TYW1B: variants seen among roughly 807,000 people sequenced by gnomAD.
TYW1B encodes S-adenosyl-L-methionine-dependent tRNA 4-demethylwyosine synthase TYW1B.
In TYW1B, 73 loss-of-function variants were observed where a neutral mutation model predicts 86.9. That is an observed-to-expected ratio of 0.84 (90% CI 0.70 to 1.02). The LOEUF is 1.02. Ranked by LOEUF, TYW1B falls within the 50% of genes least tolerant of loss-of-function variation. The pLI, the probability that TYW1B is intolerant of heterozygous loss-of-function variation, is 0.00. For missense variants in TYW1B, 637 were observed against 827.4 expected (o/e 0.77, Z 2.82); for synonymous variants, 248 against 292.8 (o/e 0.85, Z 1.56).
chr7:72,779,347 G>A (rs547976648), intron 6 of TYW1B, among the ~76,000 whole-genome samples: 1 of 152,408 alleles, frequency 6.6e-6, no homozygotes, highest in Non-Finnish European at 1.5e-5. Context: ...CAGGCAATAG[G>A]TAATAAGAAT....
At chr7:72,740,417 A>T in intron 8 of TYW1B, among the ~76,000 whole-genome samples, 1 of 141,264 alleles carries the variant, frequency 7.1e-6, no homozygotes, top group Non-Finnish European at 1.6e-5. Context: ...AAAAAAAAAA[A>T]GCGAAAGAAA....
At chr7:72,607,339 C>T (rs1254769133) in intron 13 of TYW1B, among the ~76,000 whole-genome samples, 1 of 145,082 alleles carries the variant, frequency 6.9e-6, no homozygotes, top group Admixed American at 7.2e-5. Flanking sequence ...TTGCAGTGAG[C>T]CAAGATTGTG....
Position 72,713,604 on chromosome 7 carries a change from T to C in TYW1B, c.1370+17A>G, listed in dbSNP as rs368459072. On this transcript the variant is annotated intron_variant, in intron 10 of 13. Coordinates refer to ENST00000620995, the MANE Select transcript of TYW1B (RefSeq NM_001145440.3). ...CATAGATTCAAGCAGCATCTCTCCA[T>C]AGGCTGGAGAACTCACCTGATTTCC... is the stretch of plus-strand genomic sequence containing the variant. The C allele has an allele frequency of 7.8e-5, 125 of 1,602,430 alleles. No individual in the cohort carries two copies. Among genetic ancestry groups the C allele is most frequent in the Non-Finnish European group, 9.5e-5 (112 of 1,175,116 alleles).
intron 6 of TYW1B, among the ~76,000 whole-genome samples, chr7:72,795,278 C>T (rs1788286064): frequency 6.6e-6 from 1 of 151,912 alleles, no homozygotes; most frequent in Non-Finnish European, 1.5e-5. Flanking sequence ...GCAAATTTCC[C>T]AAAATGTCCA....
At chr7:72,602,973 GAAAT>G (rs1402369443) in intron 13 of TYW1B, among the ~76,000 whole-genome samples, 1 of 151,774 alleles carries the variant, frequency 6.6e-6, no homozygotes, top group Non-Finnish European at 1.5e-5. Context: ...AGCAACAAAA[GAAAT>G]AAGGTAGTAC....
At chr7:72,669,088 C>G (rs1480102457) in intron 11 of TYW1B, among the ~76,000 whole-genome samples, 1 of 140,642 alleles carries the variant, frequency 7.1e-6, no homozygotes, top group Non-Finnish European at 1.5e-5. Flanking sequence ...GTCATTTATA[C>G]ACAAAAATTA....
In TYW1B at chr7:72,602,226, A is replaced by G. The variant is rs62465952; in HGVS notation, c.1785+14446T>C. Among the ~76,000 whole-genome samples, 946 of 152,280 alleles carry G rather than the reference A, an allele frequency of 6.2e-3. 5 individuals carry two copies. The highest frequency in any genetic ancestry group is 8.5e-3 in the Non-Finnish European group (575 of 68,030). ...AGACTAGAGGCAAAAGGAACTGCAC[A>G]TAGCGCTGTGCTCCAGGGTTAACAA... On this transcript the variant is annotated intron_variant, in intron 13 of 13. Coordinates refer to ENST00000620995, the MANE Select transcript of TYW1B (RefSeq NM_001145440.3).
In TYW1B at chr7:72,575,686, C is replaced by A. The variant is rs200258949; in HGVS notation, c.1819G>T (p.Asp607Tyr). 7 of 1,549,708 alleles carry A rather than the reference C, an allele frequency of 4.5e-6. No homozygotes were observed. Among genetic ancestry groups the A allele is most frequent in the Non-Finnish European group, 6.2e-6 (7 of 1,127,462 alleles). Residue 607 changes from aspartate to tyrosine, a missense_variant, in exon 14 of 14, where the codon GAT becomes TAT. Physicochemically the swap from Asp to Tyr is radical, Grantham distance 160. Transcript: ENST00000620995. ...ATGAGCTCCTGGAAGCGGTTATAAT[C>A]GATCCATGTCCACCATTCACCACCA... The part of the protein sequence containing the change: ...KIGGEWWTWI[D>Y]YNRFQELIQE...
chr7:72,803,850 G>C (rs1156597470), intron 5 of TYW1B, among the ~76,000 whole-genome samples: 2 of 151,840 alleles, frequency 1.3e-5, no homozygotes, highest in Admixed American at 1.3e-4. Flanking sequence ...CTGACCTCAG[G>C]TGATCCGCCC....
intron 11 of TYW1B, among the ~76,000 whole-genome samples, chr7:72,682,882 A>G (rs551501504): frequency 6.6e-6 from 1 of 152,270 alleles, no homozygotes; most frequent in South Asian, 2.1e-4. Context: ...TAAAAATTCC[A>G]GACAGATCCA....
Position 72,596,731 on chromosome 7 carries a change from G to T in TYW1B, c.1785+19941C>A, listed in dbSNP as rs144263839. On this transcript the variant is annotated intron_variant, in intron 13 of 13. Coordinates refer to ENST00000620995, the MANE Select transcript of TYW1B (RefSeq NM_001145440.3). ...TGACATTGAACATAGCAGTGATTTC[G>T]TGGGTATGGAGAATAGGCAAGAAAA... is the stretch of plus-strand genomic sequence containing the variant. 2.1e-3 allele frequency among the ~76,000 whole-genome samples: 326 copies of T among 152,242 alleles called. 3 individuals are homozygous for T. Among genetic ancestry groups the T allele is most frequent in the African/African-American group, 7.2e-3 (300 of 41,542 alleles).
intron 12 of TYW1B, among the ~76,000 whole-genome samples, chr7:72,618,771 G>A (rs1486215991): frequency 1.3e-5 from 2 of 152,182 alleles, no homozygotes; most frequent in African/African-American, 4.8e-5. Context: ...CGGAGTTGGA[G>A]CTGAAACTGT....
At chr7:72,685,840 C>G (rs1476298244) in intron 11 of TYW1B, among the ~76,000 whole-genome samples, 12 of 151,944 alleles carry the variant, frequency 7.9e-5, no homozygotes, top group Admixed American at 7.9e-4. Flanking sequence ...GAAGACACTG[C>G]CAAGAGATGA....
At chr7:72,655,151 G>C (rs1554443443) in intron 11 of TYW1B, among the ~76,000 whole-genome samples, 1 of 152,096 alleles carries the variant, frequency 6.6e-6, no homozygotes, top group Non-Finnish European at 1.5e-5. Context: ...GCATCTAAGA[G>C]ACAATATGGG....
chr7:72,750,778 A>AT (rs568698407), intron 7 of TYW1B, among the ~76,000 whole-genome samples: 2 of 152,042 alleles, frequency 1.3e-5, no homozygotes, highest in East Asian at 1.9e-4. Flanking sequence ...CAGATTTCAA[A>AT]TTTTTTCAGA....
Position 72,713,658 on chromosome 7 carries a change from A to T in TYW1B, c.1333T>A (p.Phe445Ile). The T allele has an allele frequency of 1.2e-6, 2 of 1,614,118 alleles. No homozygotes were observed. The highest frequency in any genetic ancestry group is 8.5e-7 in the Non-Finnish European group (1 of 1,180,018). Residue 445 changes from phenylalanine (F) to isoleucine (I), a missense_variant, in exon 10 of 14, where the codon TTC (phenylalanine) becomes ATC (isoleucine). Phe to Ile is a conservative substitution (Grantham distance 21). Coordinates refer to ENST00000620995, the MANE Select transcript of TYW1B (RefSeq NM_001145440.3). The stretch of plus-strand genomic sequence containing the variant: ...GGAAATTGTGCATTTGTGACCAGGA[A>T]GCTGGAGATTTTACACTGGTGGAGT... ...KLLHQCKISS[F>I]LVTNAQFPAE...
At chr7:72,618,161 C>T (rs1178574840) in intron 12 of TYW1B, among the ~76,000 whole-genome samples, 1 of 150,166 alleles carries the variant, frequency 6.7e-6, no homozygotes, top group African/African-American at 2.5e-5. Flanking sequence ...CAAACACACA[C>T]AAATACATAT....
chr7:72,661,742 T>C (rs1554444491), intron 11 of TYW1B, among the ~76,000 whole-genome samples: 1 of 151,968 alleles, frequency 6.6e-6, no homozygotes, highest in Non-Finnish European at 1.5e-5. Flanking sequence ...ACACAGATGT[T>C]GTAGGATATA....
rs782176054 is a variant in TYW1B at position 72,694,833 on chromosome 7, T to C, written c.1371-11A>G. 5.7e-6 allele frequency: 9 copies of C among 1,578,968 alleles called. No individual in the cohort carries two copies. In the East Asian group the frequency reaches 2.0e-4, roughly 35 times the overall value. ...ACTGGCTCGAGGTTCCTTAGTAATTTTTTTTTTTAAAGGAAGAAAGAAAAA... is the reference window on the plus strand; with the variant it reads ...ACTGGCTCGAGGTTCCTTAGTAATTCTTTTTTTTAAAGGAAGAAAGAAAAA... On this transcript the variant is annotated splice_polypyrimidine_tract_variant and intron_variant, in intron 10 of 13. Transcript: ENST00000620995.
Sources: allele counts gnomAD v4.1 joint callset (sites outside exome capture counted in the v4.1 genomes callset), GRCh38; gene constraint gnomAD v4.1.1; transcripts MANE v1.5; gene names NCBI Gene and HGNC (gene_info 2026-07-23, HGNC 2026-07-21).